ABCA1: variants seen among roughly 807,000 people sequenced by gnomAD.
ABCA1 encodes ATP binding cassette subfamily A member 1.
In ABCA1, 133 loss-of-function variants were observed where a neutral mutation model predicts 262.5. The observed-to-expected ratio is 0.51, with a 90% confidence interval of 0.44 to 0.59. The LOEUF (loss-of-function observed/expected upper bound fraction) is 0.59. Ranked by LOEUF, ABCA1 falls within the 20% of genes least tolerant of loss-of-function variation. The pLI, the probability that ABCA1 is intolerant of heterozygous loss-of-function variation, is 0.00. For synonymous variants in ABCA1, 1,022 were observed against 1,043.5 expected, an observed-to-expected ratio of 0.98 and a Z score of 0.40; for missense variants, 2,452 against 2,777.5, an observed-to-expected ratio of 0.88 and a Z score of 2.63.
chr9:104,913,141 G>C (rs2437818), intron 1 of ABCA1, among the ~76,000 whole-genome samples: 16,166 of 152,240 alleles, frequency 0.11, 1,148 homozygotes, highest in African/African-American at 0.2. Context: ...ATTTATGAAA[G>C]TGCTCAAAGC....
At chr9:104,843,232 G>C (rs535588057) in intron 8 of ABCA1, among the ~76,000 whole-genome samples, 1 of 152,314 alleles carries the variant, frequency 6.6e-6, no homozygotes, top group South Asian at 2.1e-4. Flanking sequence ...AGAAAGCAGA[G>C]AAGTTAGCGT....
chr9:104,786,668 GAAT>G (rs1028134248), intron 47 of ABCA1, among the ~76,000 whole-genome samples: 9 of 152,170 alleles, frequency 5.9e-5, no homozygotes, highest in Non-Finnish European at 1.5e-5. Flanking sequence ...CACTGACTTG[GAAT>G]AATGTTTACA....
At chr9:104,862,699 C>A (rs1338695317) in intron 5 of ABCA1, among the ~76,000 whole-genome samples, 12 of 8,436 alleles carry the variant, frequency 1.4e-3, no homozygotes, top group African/African-American at 7.0e-3. Context: ...CGGGCCGGGC[C>A]GGCCCCCACC....
chr9:104,857,512 G>A (rs984765614), intron 7 of ABCA1, among the ~76,000 whole-genome samples: 6 of 152,104 alleles, frequency 3.9e-5, no homozygotes, highest in African/African-American at 9.7e-5. Context: ...GATTACAGGC[G>A]TGAGCCACCA....
rs554837892 is a variant in ABCA1 at position 104,808,164 on chromosome 9, G to A, written c.4274+1302C>T. 2.0e-5 allele frequency among the ~76,000 whole-genome samples: 3 copies of A among 152,234 alleles called. No individual in the cohort carries two copies. In the East Asian group the frequency reaches 5.8e-4, roughly 29 times the overall value. On this transcript the variant is annotated intron_variant, in intron 30 of 49. Transcript: ENST00000374736. ...AAAAATTTGAATTTCAGTAAGAATT[G>A]TAAGGATAAAGGCTCTTCCTTCCAA...
At chr9:104,867,781 A>G (rs1837227058) in intron 5 of ABCA1, among the ~76,000 whole-genome samples, 1 of 152,228 alleles carries the variant, frequency 6.6e-6, no homozygotes, top group South Asian at 2.1e-4. Flanking sequence ...GACCTGGACG[A>G]AAGACCAATC....
chr9:104,847,602 C>A (rs538569683), intron 7 of ABCA1, among the ~76,000 whole-genome samples: 1 of 152,228 alleles, frequency 6.6e-6, no homozygotes, highest in African/African-American at 2.4e-5. Flanking sequence ...TAAACTTTTT[C>A]TTCTATTGAA....
intron 5 of ABCA1, among the ~76,000 whole-genome samples, chr9:104,863,353 A>G (rs191554631): frequency 6.6e-6 from 1 of 152,232 alleles, no homozygotes; most frequent in African/African-American, 2.4e-5. Context: ...TTTGTAATAA[A>G]GATAAAACCA....
rs903294823 is a variant in ABCA1 at position 104,781,891 on chromosome 9, C to T, written c.*2424G>A. ...AATTTCTACCACAATTAGGTTTACA[C>T]AGGAAAATGTAAAAAATTACTATTT... is the stretch of plus-strand genomic sequence containing the variant. On this transcript the variant is annotated 3_prime_UTR_variant, in exon 50 of 50. Transcript: ENST00000374736. 2.6e-5 allele frequency: 4 copies of T among 152,152 alleles called. No individual in the cohort carries two copies. Among genetic ancestry groups the T allele is most frequent in the African/African-American group, 4.8e-5 (2 of 41,408 alleles). The allele number at this position is 152,152 out of a possible 1,614,324, so 9.4% of individuals were successfully genotyped here. A position where few individuals can be genotyped will look rare whatever the true frequency, so the allele number is the denominator to read the frequency against.
At chr9:104,900,285 A>C (rs1476648676) in intron 2 of ABCA1, among the ~76,000 whole-genome samples, 1 of 152,196 alleles carries the variant, frequency 6.6e-6, no homozygotes, top group Non-Finnish European at 1.5e-5. Flanking sequence ...CCTGCAAACT[A>C]ATGGGCCTTA....
Position 104,824,496 on chromosome 9 carries a change from G to GTC in ABCA1, c.2624_2625insGA (p.His875GlnfsTer22). 2 of 1,614,140 alleles carry GTC rather than the reference G, an allele frequency of 1.2e-6. No homozygotes were observed. The highest frequency in any genetic ancestry group is 1.7e-6 in the Non-Finnish European group (2 of 1,180,036). On this transcript the variant is annotated frameshift_variant, in exon 18 of 50. Coordinates refer to ENST00000374736, the MANE Select transcript of ABCA1 (RefSeq NM_005502.4). LOFTEE classifies it high-confidence loss of function. ...ATATTCTCTTCTGGTTGGAACCAGG[G>GTC]TGGCTCTTCTCATCACTTTCCTCGC...
intron 5 of ABCA1, among the ~76,000 whole-genome samples, chr9:104,874,510 G>T (rs924185601): frequency 1.3e-5 from 2 of 152,168 alleles, no homozygotes; most frequent in African/African-American, 4.8e-5. Context: ...AGGTTGCAGT[G>T]AACCAAGATC....
At chr9:104,847,874 ATATAC>A (rs368219039) in intron 7 of ABCA1, among the ~76,000 whole-genome samples, 1 of 152,348 alleles carries the variant, frequency 6.6e-6, no homozygotes, top group East Asian at 1.9e-4. Context: ...TTGTGTATAG[ATATAC>A]TATATGCATC....
chr9:104,855,058 G>A, intron 7 of ABCA1: 1 of 698,410 alleles, frequency 1.4e-6, no homozygotes, highest in Non-Finnish European at 1.8e-6. Flanking sequence ...ACAAGGTACG[G>A]ACTGAGACAT....
At chr9:104,802,655 G>A (rs1202335870) in intron 33 of ABCA1, among the ~76,000 whole-genome samples, 1 of 152,226 alleles carries the variant, frequency 6.6e-6, no homozygotes, top group Non-Finnish European at 1.5e-5. Flanking sequence ...AGAGAGAAAA[G>A]ACGGAAATCA....
At position 104,817,976 on chromosome 9, in the gene ABCA1, C is replaced by G. The variant is rs1831929465; in HGVS notation, c.3463-572G>C. ...CACTGGCTTCAACACACAAATAAAT[C>G]TCAGGCATGTACTGCGGTACAGAGG... On this transcript the variant is annotated intron_variant, in intron 23 of 49. Transcript: ENST00000374736. The surrounding 1 kb of genome is among the most constrained non-coding windows in gnomAD (Gnocchi z 4.7). Among the ~76,000 whole-genome samples, 1 of 152,166 alleles carries G rather than the reference C, an allele frequency of 6.6e-6. No individual in the cohort carries two copies. The highest frequency in any genetic ancestry group is 1.9e-4 in the East Asian group (1 of 5,186).
chr9:104,885,223 C>T (rs7046079), intron 3 of ABCA1, among the ~76,000 whole-genome samples: 10,604 of 152,066 alleles, frequency 0.07, 819 homozygotes, highest in African/African-American at 0.19. Context: ...GCGACAAGAG[C>T]GAAACTCCAT....
chr9:104,850,926 G>A (rs975935394), intron 7 of ABCA1, among the ~76,000 whole-genome samples: 3 of 152,168 alleles, frequency 2.0e-5, no homozygotes, highest in Non-Finnish European at 4.4e-5. Context: ...TTTAGTGAGG[G>A]ACTATATTTT....
At chr9:104,877,475 G>A (rs1838257642) in intron 5 of ABCA1, among the ~76,000 whole-genome samples, 1 of 152,224 alleles carries the variant, frequency 6.6e-6, no homozygotes, top group South Asian at 2.1e-4. Context: ...CCCCATCCAA[G>A]TACTGACCAA....
Sources: gnomAD v4.1 joint callset for allele counts (sites outside exome capture counted in the v4.1 genomes callset) on GRCh38, gnomAD v4.1.1 for gene constraint, Gnocchi (gnomAD v3.1) non-coding constraint, MANE v1.5 for transcripts, NCBI Gene and HGNC (gene_info 2026-07-23, HGNC 2026-07-21) for gene names.